DIAPH2: variants seen among roughly 807,000 people sequenced by gnomAD.
DIAPH2 encodes diaphanous related formin 2, also known as protein diaphanous homolog 2.
In DIAPH2, 35 loss-of-function variants were observed where a neutral mutation model predicts 92.7. The ratio of observed to expected loss-of-function variants is 0.38; its 90% CI spans 0.29 to 0.50. DIAPH2 has a LOEUF of 0.50. DIAPH2 is among the 20% of genes least tolerant of loss of function. DIAPH2 has a pLI of 0.94. For missense variants in DIAPH2, 701 were observed against 819.5 expected, an observed-to-expected ratio of 0.86 and a Z score of 1.77; for synonymous variants, 301 against 280.4, an observed-to-expected ratio of 1.07 and a Z score of -0.73.
intron 9 of DIAPH2, among the ~76,000 whole-genome samples, chrX:96,922,837 A>T (rs747772158): frequency 8.9e-6 from 1 of 111,894 alleles, no homozygotes; most frequent in African/African-American, 3.2e-5. Flanking sequence ...TGTGTCTTGC[A>T]TAAGTCTGGG....
At chrX:96,912,949 A>T (rs1432625712) in intron 7 of DIAPH2, among the ~76,000 whole-genome samples, 1 of 109,528 alleles carries the variant, frequency 9.1e-6, no homozygotes, top group Non-Finnish European at 1.9e-5. Flanking sequence ...AGCTATTGTT[A>T]GTTTTCTCGA....
chrX:97,385,412 T>C (rs2069590238), intron 25 of DIAPH2, among the ~76,000 whole-genome samples: 1 of 110,450 alleles, frequency 9.1e-6, no homozygotes, highest in Admixed American at 9.7e-5. Flanking sequence ...TTTGTATTTT[T>C]AGTAGAGACA....
chrX:96,733,066 GTCAT>G (rs777454631), intron 1 of DIAPH2, among the ~76,000 whole-genome samples: 79 of 111,498 alleles, frequency 7.1e-4, no homozygotes, highest in African/African-American at 2.3e-3. Context: ...GAGTATGATA[GTCAT>G]TCATACTCTT....
chrX:97,510,361 T>C lies in DIAPH2; in HGVS notation c.3241+80616T>C, dbSNP rs1308608590. Reference sequence around the variant, plus strand: ...GCCCACTTTTTGATGGTGTTGTTTGTTTTTTTCTTGTAAATTTGTTTGAGT... The same window carrying C: ...GCCCACTTTTTGATGGTGTTGTTTGCTTTTTTCTTGTAAATTTGTTTGAGT... On this transcript the variant is annotated intron_variant, in intron 26 of 26. Transcript: ENST00000324765. Among the ~76,000 whole-genome samples the C allele has an allele frequency of 6.7e-4, 75 of 111,732 alleles. 1 individual carries two copies. Among genetic ancestry groups the C allele is most frequent in the African/African-American group, 2.4e-3 (75 of 30,657 alleles).
At chrX:96,738,970 G>T (rs929434865) in intron 3 of DIAPH2, among the ~76,000 whole-genome samples, 2 of 109,783 alleles carry the variant, frequency 1.8e-5, no homozygotes, top group Non-Finnish European at 3.8e-5. Context: ...CTCTTCCACT[G>T]TGAGCTCCTA....
chrX:96,797,539 T>A (rs2064549808), intron 4 of DIAPH2, among the ~76,000 whole-genome samples: 1 of 111,916 alleles, frequency 8.9e-6, no homozygotes, highest in Non-Finnish European at 1.9e-5. Flanking sequence ...GAAGCATAGA[T>A]ACTTCTGCTT....
intron 26 of DIAPH2, among the ~76,000 whole-genome samples, chrX:97,476,984 T>TATATATATATAC (rs1280074551): frequency 1.8e-5 from 1 of 57,092 alleles, no homozygotes; most frequent in African/African-American, 8.6e-5. Flanking sequence ...TATATATATA[T>TATATATATATAC]ACACACACAC....
chrX:96,917,467 T>C (rs2065512270), intron 8 of DIAPH2, among the ~76,000 whole-genome samples: 1 of 111,391 alleles, frequency 9.0e-6, no homozygotes, highest in African/African-American at 3.2e-5. Context: ...AAACTGAGAA[T>C]GAGATAACAT....
chrX:97,417,920 T>G (rs757513414), intron 25 of DIAPH2, among the ~76,000 whole-genome samples: 2 of 109,921 alleles, frequency 1.8e-5, no homozygotes, highest in South Asian at 7.9e-4. Context: ...AATAATAAAG[T>G]AAAACAATTC....
chrX:97,080,974 T>TGACTTTAGAAGACTTTAGAA (rs2066739335), intron 19 of DIAPH2, among the ~76,000 whole-genome samples: 1 of 112,063 alleles, frequency 8.9e-6, no homozygotes, highest in Non-Finnish European at 1.9e-5. Flanking sequence ...CGAGGGTTGA[T>TGACTTTAGAAGACTTTAGAA]GACTTTAGAA....
chrX:97,299,545 C>T (rs748952358), intron 23 of DIAPH2, among the ~76,000 whole-genome samples: 1 of 111,879 alleles, frequency 8.9e-6, no homozygotes, highest in African/African-American at 3.2e-5. Context: ...TGAGATACTG[C>T]GAGATTCAGA....
At chrX:96,705,995 T>A (rs954801506) in intron 1 of DIAPH2, among the ~76,000 whole-genome samples, 2 of 112,564 alleles carry the variant, frequency 1.8e-5, no homozygotes, top group Non-Finnish European at 3.8e-5. Context: ...CATAGATTTG[T>A]TTGGTTTGGC....
At chrX:97,573,543 G>C (rs1342381722) in intron 26 of DIAPH2, among the ~76,000 whole-genome samples, 1 of 111,083 alleles carries the variant, frequency 9.0e-6, no homozygotes, top group East Asian at 2.8e-4. Flanking sequence ...TTTGGGGAGA[G>C]GGGGAGTTTG....
intron 1 of DIAPH2, among the ~76,000 whole-genome samples, chrX:96,721,457 G>A (rs1042221529): frequency 3.0e-4 from 34 of 112,075 alleles, no homozygotes; most frequent in South Asian, 2.2e-3. Flanking sequence ...CTAGTCAAGT[G>A]CTGACTAATG....
chrX:97,593,679 TAACA>T (rs2071531834), intron 26 of DIAPH2, among the ~76,000 whole-genome samples: 1 of 110,810 alleles, frequency 9.0e-6, no homozygotes, highest in African/African-American at 3.3e-5. Flanking sequence ...ACAAAATAAA[TAACA>T]ATCAACAAGC....
chrX:97,124,917 T>G (rs1238071287), intron 21 of DIAPH2, among the ~76,000 whole-genome samples: 1 of 111,303 alleles, frequency 9.0e-6, no homozygotes, highest in East Asian at 2.8e-4. Context: ...AGTTTTCAAC[T>G]TTTGAAAGTT....
At chrX:97,272,025 T>A (rs1441221085) in intron 23 of DIAPH2, among the ~76,000 whole-genome samples, 1 of 109,913 alleles carries the variant, frequency 9.1e-6, no homozygotes, top group African/African-American at 3.3e-5. Context: ...TAAGATGGAG[T>A]TTCGCTCTTG....
chrX:97,339,484 C>G (rs1169175389), intron 23 of DIAPH2, among the ~76,000 whole-genome samples: 1 of 110,250 alleles, frequency 9.1e-6, no homozygotes, highest in Non-Finnish European at 1.9e-5. Context: ...CACTGCCCTC[C>G]AGCATGGGAG....
intron 1 of DIAPH2, among the ~76,000 whole-genome samples, chrX:96,723,738 G>C (rs1389006455): frequency 9.0e-6 from 1 of 111,173 alleles, no homozygotes. Flanking sequence ...CAGTAGTATT[G>C]ATTATGGCTA....
Sources: allele counts gnomAD v4.1 joint callset (sites outside exome capture counted in the v4.1 genomes callset), GRCh38; gene constraint gnomAD v4.1.1; transcripts MANE v1.5; gene names NCBI Gene and HGNC (gene_info 2026-07-23, HGNC 2026-07-21).